PRICKLE1: variants seen among roughly 807,000 people sequenced by gnomAD.
PRICKLE1 encodes the protein prickle-like protein 1.
PRICKLE1 carries 14 observed loss-of-function variants against 70.2 expected under a neutral mutation model. That is an observed-to-expected ratio of 0.20 (90% CI 0.13 to 0.31). The LOEUF is 0.31. Among genes scored for constraint, PRICKLE1 ranks in the 10% least tolerant of loss-of-function variants. PRICKLE1 has a pLI of 1.00. For synonymous variants in PRICKLE1, 357 were observed against 379.9 expected, an observed-to-expected ratio of 0.94 and a Z score of 0.70; for missense variants, 821 against 1,026.2, an observed-to-expected ratio of 0.80 and a Z score of 2.73.
At chr12:42,505,518 C>T (rs777259979) in intron 1 of PRICKLE1, among the ~76,000 whole-genome samples, 2 of 151,414 alleles carry the variant, frequency 1.3e-5, no homozygotes, top group Admixed American at 6.6e-5. Context: ...TCACTGCAAC[C>T]TCTGCCTTCT....
intron 1 of PRICKLE1, among the ~76,000 whole-genome samples, chr12:42,479,584 TAA>T (rs2140147487): frequency 6.6e-6 from 1 of 152,342 alleles, no homozygotes; most frequent in Non-Finnish European, 1.5e-5. Flanking sequence ...TCCTTATATT[TAA>T]AGTTGTTATT....
At chr12:42,485,238 AGTTTTT>A (rs1358032103) in intron 1 of PRICKLE1, 72 of 116,284 alleles carry the variant, frequency 6.2e-4, no homozygotes, top group African/African-American at 1.9e-3. Context: ...GCAGCTGAGA[AGTTTTT>A]TTTTTTTTTT....
chr12:42,493,859 A>G (rs1939148422), intron 1 of PRICKLE1, among the ~76,000 whole-genome samples: 1 of 151,004 alleles, frequency 6.6e-6, no homozygotes, highest in Non-Finnish European at 1.5e-5. Flanking sequence ...CCGTGTCTAA[A>G]AAAAAAAAAA....
intron 1 of PRICKLE1, chr12:42,482,918 C>G (rs892863247): frequency 6.6e-6 from 1 of 152,230 alleles, no homozygotes; most frequent in Non-Finnish European, 1.5e-5. Context: ...CCCCTGGGCC[C>G]CGCAAACTCT....
chr12:42,488,922 C>CTTTTTTTTTTTT (rs768868836), intron 1 of PRICKLE1, among the ~76,000 whole-genome samples: 3 of 130,896 alleles, frequency 2.3e-5, no homozygotes, highest in African/African-American at 5.8e-5. Context: ...ATCAATCTAT[C>CTTTTTTTTTTTT]TTTTTTTTTT....
chr12:42,573,184 G>A (rs1940749444), intron 1 of PRICKLE1, among the ~76,000 whole-genome samples: 1 of 152,132 alleles, frequency 6.6e-6, no homozygotes, highest in African/African-American at 2.4e-5. Flanking sequence ...GTTGACTTGA[G>A]AAACGAGAGC....
chr12:42,491,911 G>A (rs1474699002), intron 1 of PRICKLE1, among the ~76,000 whole-genome samples: 1 of 150,920 alleles, frequency 6.6e-6, no homozygotes, highest in African/African-American at 2.4e-5. Context: ...AGCCTCTCGA[G>A]CAGCTGGGAC....
In PRICKLE1 at chr12:42,470,360, C is replaced by T. The variant is rs761881574; in HGVS notation, c.133-1G>A. The T allele has an allele frequency of 6.3e-7, 1 of 1,589,038 alleles. No homozygotes were observed. The highest frequency in any genetic ancestry group is 8.6e-7 in the Non-Finnish European group (1 of 1,157,318). ...GTAAGCAAGCAAAATAGAGCTGGAT[C>T]TGCAAAAGAGACAGTGAGAATGGCA... On this transcript the variant is annotated splice_acceptor_variant, in intron 2 of 7. Transcript: ENST00000345127. LOFTEE classifies it high-confidence loss of function.
rs1938056089 is a variant in PRICKLE1 at position 42,465,410 on chromosome 12, C to G, written c.776-152G>C. 6 of 724,426 alleles carry G rather than the reference C, an allele frequency of 8.3e-6. No homozygotes were observed. In the East Asian group the frequency reaches 1.6e-4, roughly 20 times the overall value. 44.9% of individuals were successfully genotyped at this position (724,426 alleles called of 1,614,324 possible). A position where few individuals can be genotyped will look rare whatever the true frequency, so the allele number is the denominator to read the frequency against. On this transcript the variant is annotated intron_variant, in intron 6 of 7. Transcript: ENST00000345127. The stretch of plus-strand genomic sequence containing the variant: ...AATTAATCCTCATTCTTTGTGGATT[C>G]TGTATTTGTGAGTGTGCCTACTCAT...
chr12:42,571,114 CA>C (rs1228534431), intron 1 of PRICKLE1, among the ~76,000 whole-genome samples: 4 of 152,098 alleles, frequency 2.6e-5, no homozygotes, highest in African/African-American at 9.7e-5. Context: ...CAAATCCCCT[CA>C]AATTGCCTGT....
intron 1 of PRICKLE1, among the ~76,000 whole-genome samples, chr12:42,586,391 T>A: frequency 7.1e-6 from 1 of 140,922 alleles, no homozygotes; most frequent in East Asian, 2.1e-4. Flanking sequence ...TAAAATTACC[T>A]TTTTTTTTTT....
chr12:42,561,939 T>C (rs1193909632), intron 1 of PRICKLE1, among the ~76,000 whole-genome samples: 1 of 149,948 alleles, frequency 6.7e-6, no homozygotes, highest in East Asian at 1.9e-4. Flanking sequence ...CCAGACAGAG[T>C]TTTGCTCTGT....
At chr12:42,480,265 C>T (rs374854681) in intron 1 of PRICKLE1, among the ~76,000 whole-genome samples, 121 of 152,260 alleles carry the variant, frequency 7.9e-4, no homozygotes, top group Non-Finnish European at 1.4e-3. Context: ...TTGTTGCTTC[C>T]GGTATTAGGC....
chr12:42,529,439 A>T (rs1421065217), intron 1 of PRICKLE1, among the ~76,000 whole-genome samples: 1 of 152,222 alleles, frequency 6.6e-6, no homozygotes, highest in Non-Finnish European at 1.5e-5. Flanking sequence ...TTCTTGGGAG[A>T]CAGAAGAGTC....
rs1566114313 is a variant in PRICKLE1, at chr12:42,527,953, A to C, written c.-48-55389T>G. 6.7e-5 allele frequency among the ~76,000 whole-genome samples: 3 copies of C among 45,018 alleles called. 1 individual carries two copies. The highest frequency in any genetic ancestry group is 1.9e-3 in the East Asian group (2 of 1,054). 29.5% of individuals were successfully genotyped at this position (45,018 alleles called of 152,430 possible). The stretch of plus-strand genomic sequence containing the variant: ...TATATATATATATATATATATATAT[A>C]TATATATATATATATATATCTCCAA... On this transcript the variant is annotated intron_variant, in intron 1 of 7. Transcript: ENST00000345127.
At chr12:42,555,833 G>T (rs1940405398) in intron 1 of PRICKLE1, among the ~76,000 whole-genome samples, 1 of 152,028 alleles carries the variant, frequency 6.6e-6, no homozygotes, top group Admixed American at 6.6e-5. Context: ...ATACCACTTG[G>T]TTGTTCAGCA....
chr12:42,512,045 C>T (rs1939521738), intron 1 of PRICKLE1, among the ~76,000 whole-genome samples: 1 of 152,158 alleles, frequency 6.6e-6, no homozygotes, highest in African/African-American at 2.4e-5. Flanking sequence ...AAGCAACCTT[C>T]CCTAGTTCTT....
At chr12:42,533,974 T>C (rs1939972008) in intron 1 of PRICKLE1, among the ~76,000 whole-genome samples, 1 of 152,140 alleles carries the variant, frequency 6.6e-6, no homozygotes, top group African/African-American at 2.4e-5. Flanking sequence ...CATTCCTCAT[T>C]GTATCCTCAA....
intron 1 of PRICKLE1, among the ~76,000 whole-genome samples, chr12:42,575,492 C>T (rs567215258): frequency 1.3e-5 from 2 of 152,074 alleles, no homozygotes; most frequent in African/African-American, 2.4e-5. Context: ...GTCAGGAGTT[C>T]GAGACCAGCC....
Sources: allele counts gnomAD v4.1 joint callset (sites outside exome capture counted in the v4.1 genomes callset), GRCh38; gene constraint gnomAD v4.1.1; transcripts MANE v1.5; gene names NCBI Gene and HGNC (gene_info 2026-07-23, HGNC 2026-07-21).